SCHIP1: variants seen among roughly 807,000 people sequenced by gnomAD.
SCHIP1 encodes the protein schwannomin interacting protein 1, also known as schwannomin-interacting protein 1.
In SCHIP1, 8 loss-of-function variants were observed where a neutral mutation model predicts 29.7. The ratio of observed to expected loss-of-function variants is 0.27; its 90% CI spans 0.16 to 0.49. The LOEUF (loss-of-function observed/expected upper bound fraction) is 0.49, where lower values mean the gene tolerates loss of function less well. SCHIP1 is among the 20% of genes least tolerant of loss of function. The pLI, the probability that SCHIP1 is intolerant of heterozygous loss-of-function variation, is 0.99. For synonymous variants in SCHIP1, 76 were observed against 94.9 expected (o/e 0.80, Z 1.16); for missense variants, 193 against 294.6 (o/e 0.66, Z 2.52).
the SCHIP1 span, among the ~76,000 whole-genome samples, chr3:159,352,704 A>G: frequency 6.6e-6 from 1 of 152,098 alleles, no homozygotes; most frequent in Non-Finnish European, 1.5e-5. Context: ...CTCCCTCCCA[A>G]AAACCTGGAA....
the SCHIP1 span, among the ~76,000 whole-genome samples, chr3:159,588,377 A>G: frequency 1.3e-5 from 2 of 152,176 alleles, no homozygotes; most frequent in Non-Finnish European, 2.9e-5. Context: ...CCTTTGTCAA[A>G]TGAGTAGATT....
chr3:159,304,855 G>A, the SCHIP1 span, among the ~76,000 whole-genome samples: 3 of 152,008 alleles, frequency 2.0e-5, no homozygotes, highest in African/African-American at 7.3e-5. Flanking sequence ...CATTGGGTTT[G>A]ACCAAAATCT....
the SCHIP1 span, among the ~76,000 whole-genome samples, chr3:159,793,894 G>T: frequency 1.9e-4 from 29 of 152,234 alleles, no homozygotes; most frequent in South Asian, 6.0e-3. Context: ...GAGGCTGCTT[G>T]CATTGCTTGG....
chr3:159,600,904 A>G, the SCHIP1 span, among the ~76,000 whole-genome samples: 1 of 152,186 alleles, frequency 6.6e-6, no homozygotes, highest in Non-Finnish European at 1.5e-5. Context: ...ATGCAGTAGT[A>G]TATTCTCTGC....
chr3:159,500,663 G>A, the SCHIP1 span, among the ~76,000 whole-genome samples: 3 of 151,308 alleles, frequency 2.0e-5, no homozygotes, highest in Admixed American at 6.6e-5. Context: ...GCAGTGAGCC[G>A]AGATTGTGTC....
the SCHIP1 span, among the ~76,000 whole-genome samples, chr3:159,783,695 T>G: frequency 5.1e-4 from 77 of 152,282 alleles, no homozygotes; most frequent in African/African-American, 1.6e-3. Flanking sequence ...GCTGTTTAAA[T>G]CCAGTAATGA....
chr3:159,847,245 C>T (rs1711967314), intron 1 of SCHIP1, among the ~76,000 whole-genome samples: 1 of 152,128 alleles, frequency 6.6e-6, no homozygotes, highest in African/African-American at 2.4e-5. Context: ...TATTCATGCA[C>T]ATACATAACG....
chr3:159,330,873 A>G, the SCHIP1 span, among the ~76,000 whole-genome samples: 1 of 152,018 alleles, frequency 6.6e-6, no homozygotes, highest in Non-Finnish European at 1.5e-5. Flanking sequence ...TTTACTTTAC[A>G]TCCCAGTAGC....
the SCHIP1 span, among the ~76,000 whole-genome samples, chr3:159,814,359 G>A: frequency 6.6e-6 from 1 of 152,154 alleles, no homozygotes; most frequent in Non-Finnish European, 1.5e-5. Context: ...TGTTGCCCCA[G>A]AGCACTCTGA....
At chr3:159,351,662 A>AAGAT in the SCHIP1 span, among the ~76,000 whole-genome samples, 1 of 152,196 alleles carries the variant, frequency 6.6e-6, no homozygotes, top group Non-Finnish European at 1.5e-5. Flanking sequence ...ATCAAATTGC[A>AAGAT]AGATAAGTTC....
At chr3:159,806,202 C>T in the SCHIP1 span, among the ~76,000 whole-genome samples, 2 of 141,170 alleles carry the variant, frequency 1.4e-5, no homozygotes, top group East Asian at 5.4e-4. Context: ...CCCAAATACA[C>T]ATCTAAGCAG....
the SCHIP1 span, among the ~76,000 whole-genome samples, chr3:159,789,646 C>G: frequency 6.6e-6 from 1 of 152,136 alleles, no homozygotes; most frequent in South Asian, 2.1e-4. Context: ...TCAAACAAGT[C>G]CCGGGTAACG....
chr3:159,795,964 C>G, the SCHIP1 span, among the ~76,000 whole-genome samples: 1 of 152,160 alleles, frequency 6.6e-6, no homozygotes, highest in Non-Finnish European at 1.5e-5. Context: ...CATAATGAAT[C>G]AAAATCACTG....
chr3:159,502,738 C>A, the SCHIP1 span, among the ~76,000 whole-genome samples: 2 of 150,556 alleles, frequency 1.3e-5, no homozygotes, highest in Non-Finnish European at 3.0e-5. Context: ...AGCTTCATTT[C>A]TGACAAGGTT....
chr3:159,875,913 C>T (rs147899063), intron 2 of SCHIP1, among the ~76,000 whole-genome samples: 4 of 152,106 alleles, frequency 2.6e-5, no homozygotes, highest in African/African-American at 7.2e-5. Context: ...GGCAACACAG[C>T]GAGAACCTGT....
chr3:159,817,255 T>C, the SCHIP1 span, among the ~76,000 whole-genome samples: 5 of 152,308 alleles, frequency 3.3e-5, no homozygotes, highest in South Asian at 1.0e-3. Context: ...CTAAGAATGA[T>C]TGCTTTGCAT....
the SCHIP1 span, among the ~76,000 whole-genome samples, chr3:159,579,402 A>G: frequency 6.6e-6 from 1 of 152,358 alleles, no homozygotes; most frequent in South Asian, 2.1e-4. Flanking sequence ...AAGACAGTGT[A>G]ACTTTCAGAG....
chr3:159,786,664 A>AGC, the SCHIP1 span, among the ~76,000 whole-genome samples: 7 of 95,192 alleles, frequency 7.4e-5, no homozygotes, highest in Non-Finnish European at 1.2e-4. Flanking sequence ...TCTGAGTCAA[A>AGC]GCGTGTGTGT....
the SCHIP1 span, among the ~76,000 whole-genome samples, chr3:159,332,652 C>A: frequency 6.6e-6 from 1 of 151,992 alleles, no homozygotes; most frequent in African/African-American, 2.4e-5. Context: ...AATTTTTATG[C>A]TTTGGGTTAG....
Sources: gnomAD v4.1 joint callset for allele counts (sites outside exome capture counted in the v4.1 genomes callset) on GRCh38, gnomAD v4.1.1 for gene constraint, MANE v1.5 for transcripts, NCBI Gene and HGNC (gene_info 2026-07-23, HGNC 2026-07-21) for gene names.